ZFYVE26: variants seen among roughly 807,000 people sequenced by gnomAD.
ZFYVE26 encodes zinc finger FYVE domain-containing protein 26.
A neutral mutation model predicts 276.5 loss-of-function variants in ZFYVE26; 181 were observed. The observed-to-expected ratio is 0.65, with a 90% CI of 0.58 to 0.74. ZFYVE26 has a LOEUF of 0.74. Among genes scored for constraint, ZFYVE26 ranks in the 30% least tolerant of loss-of-function variants. The probability of loss-of-function intolerance (pLI) is 0.00; values close to 1 mark genes in which losing one functional copy is unlikely to be tolerated. For synonymous variants in ZFYVE26, 1,129 were observed against 1,203.1 expected (o/e 0.94, Z 1.27); for missense variants, 2,821 against 3,097.9 (o/e 0.91, Z 2.12).
At chr14:67,730,754 C>T (rs538768881) in intron 13 of ZFYVE26, among the ~76,000 whole-genome samples, 41 of 152,226 alleles carry the variant, frequency 2.7e-4, no homozygotes, top group African/African-American at 9.4e-4. Flanking sequence ...CAGGTGCCCG[C>T]CACCACACCT....
At chr14:67,736,815 A>T (rs1412129108) in intron 13 of ZFYVE26, among the ~76,000 whole-genome samples, 1 of 152,202 alleles carries the variant, frequency 6.6e-6, no homozygotes, top group Non-Finnish European at 1.5e-5. Context: ...GAAGCGGGAC[A>T]GGGCAGAGGG....
chr14:67,815,808 G>A lies in ZFYVE26; in HGVS notation c.156C>T (p.Asp52=), dbSNP rs1300672878. The A allele has an allele frequency of 6.2e-7, 1 of 1,613,864 alleles. No individual in the cohort carries two copies. Among genetic ancestry groups the A allele is most frequent in the South Asian group, 1.1e-5 (1 of 91,062 alleles). ...GQGDIPKRVE[D]ILQALVVCPN... ...GACACACCACCAATGCCTGAAGTAT[G>A]TCTTCTACCCTCTTTGGGATATCCC... Residue 52 remains aspartate (D), a synonymous_variant, in exon 2 of 42, where the codon GAC becomes GAT. Transcript: ENST00000347230.
At chr14:67,759,201 T>A (rs1258966912) in intron 35 of ZFYVE26, among the ~76,000 whole-genome samples, 1 of 130,746 alleles carries the variant, frequency 7.6e-6, no homozygotes, top group Non-Finnish European at 1.6e-5. Context: ...GCCAAGATCG[T>A]GCCACCGCAC....
At chr14:67,757,235 A>C (rs1332699743) in intron 35 of ZFYVE26, among the ~76,000 whole-genome samples, 1 of 152,188 alleles carries the variant, frequency 6.6e-6, no homozygotes, top group Non-Finnish European at 1.5e-5. Flanking sequence ...AAATGAGCCC[A>C]AGTGACTGTT....
chr14:67,756,649 T>C (rs35103502), intron 35 of ZFYVE26, among the ~76,000 whole-genome samples: 22,970 of 152,154 alleles, frequency 0.15, 1,822 homozygotes, highest in Middle Eastern at 0.27. Context: ...GTCTATGTCT[T>C]TGGCTGCTTC....
chr14:67,736,311 G>A (rs751942867), intron 13 of ZFYVE26, among the ~76,000 whole-genome samples: 12 of 152,274 alleles, frequency 7.9e-5, no homozygotes, highest in Admixed American at 1.3e-4. Flanking sequence ...GTATTGAAAC[G>A]TCTCTTCTAC....
At chr14:67,774,396 G>A (rs1366737672) in intron 27 of ZFYVE26, among the ~76,000 whole-genome samples, 1 of 152,220 alleles carries the variant, frequency 6.6e-6, no homozygotes, top group Non-Finnish European at 1.5e-5. Flanking sequence ...CTACTCGGGA[G>A]GCTTAGGCAG....
intron 16 of ZFYVE26, among the ~76,000 whole-genome samples, chr14:67,788,680 T>C (rs532642913): frequency 6.6e-6 from 1 of 152,326 alleles, no homozygotes; most frequent in East Asian, 1.9e-4. Context: ...AGAGAATCAC[T>C]GAACCTGGGG....
intron 6 of ZFYVE26, among the ~76,000 whole-genome samples, chr14:67,805,846 T>C (rs1383018596): frequency 6.6e-6 from 1 of 152,120 alleles, no homozygotes; most frequent in Non-Finnish European, 1.5e-5. Flanking sequence ...CTGGCCAACA[T>C]GGGGAAACCC....
chr14:67,809,180 G>A lies in ZFYVE26; in HGVS notation c.363+20C>T. The A allele has an allele frequency of 1.2e-6, 2 of 1,601,484 alleles. No individual in the cohort carries two copies. Among genetic ancestry groups the A allele is most frequent in the Non-Finnish European group, 1.7e-6 (2 of 1,168,578 alleles). On this transcript the variant is annotated intron_variant, in intron 4 of 41. Coordinates refer to ENST00000347230, the MANE Select transcript of ZFYVE26 (RefSeq NM_015346.4). ...AGTGACTGTCAACCCTGGGCAGATG[G>A]TACCAGGGCTCTCTCTCACCTCGAG...
At chr14:67,775,808 C>G in intron 26 of ZFYVE26, 52 bp downstream of exon 26, 1 of 1,613,176 alleles carries the variant, frequency 6.2e-7, no homozygotes, top group Non-Finnish European at 8.5e-7. Flanking sequence ...AAGAATGCAG[C>G]ATGGCATTTC....
At chr14:67,792,913 C>CAA (rs34041446) in intron 14 of ZFYVE26, among the ~76,000 whole-genome samples, 2,729 of 56,780 alleles carry the variant, frequency 0.048, 223 homozygotes, top group African/African-American at 0.16. Context: ...AAATCTGTCT[C>CAA]AAAAAAAAAA....
intron 41 of ZFYVE26, 56 bp downstream of exon 41, chr14:67,750,996 C>T (rs2038622858): frequency 6.2e-7 from 1 of 1,607,278 alleles, no homozygotes; most frequent in Non-Finnish European, 8.5e-7. Flanking sequence ...GGTGACTAGG[C>T]AAGCCTGAGA....
rs531905881 is a variant in ZFYVE26, at chr14:67,747,649, C to G, written c.*787G>C. ...TGTGCTTGTGAGCACCCGCTCCCCC[C>G]ACCACCCCCCACCGCCTCCCCTGTA... is the stretch of plus-strand genomic sequence containing the variant. On this transcript the variant is annotated 3_prime_UTR_variant, in exon 42 of 42. Transcript: ENST00000347230. The G allele has an allele frequency of 5.4e-5, 8 of 147,808 alleles. No homozygotes were observed. The highest frequency in any genetic ancestry group is 5.4e-4 in the Admixed American group (8 of 14,788). The allele number at this position is 147,808 out of a possible 1,614,324, so 9.2% of individuals were successfully genotyped here.
intron 12 of ZFYVE26, 100 bp from the exon 13 acceptor site, chr14:67,794,339 C>A (rs2039899106): frequency 8.6e-7 from 1 of 1,165,190 alleles, no homozygotes; most frequent in Non-Finnish European, 1.3e-6. Flanking sequence ...TAGTTAGAGA[C>A]AGAGGATAAT....
At chr14:67,751,030 G>C in intron 41 of ZFYVE26, 22 bp downstream of exon 41, 1 of 1,614,124 alleles carries the variant, frequency 6.2e-7, no homozygotes, top group Non-Finnish European at 8.5e-7. Context: ...CATCACCAGC[G>C]TTTGGAGACA....
chr14:67,785,047 C>T lies in ZFYVE26; in HGVS notation c.3523+12G>A. 6.2e-7 allele frequency: 1 copy of T among 1,614,076 alleles called. No homozygotes were observed. The highest frequency in any genetic ancestry group is 1.1e-5 in the South Asian group (1 of 91,012). ...TCTGCCATGAATCTATTGCCTCTTT[C>T]TTGCTACCTACCAGGCTCAGAGCTC... On this transcript the variant is annotated intron_variant, in intron 19 of 41. Transcript: ENST00000347230.
chr14:67,784,464 T>C (rs981479103), intron 19 of ZFYVE26, 28 bp from the exon 20 acceptor site: 2 of 1,590,726 alleles, frequency 1.3e-6, no homozygotes, highest in African/African-American at 2.7e-5. Context: ...ATGATCTTTG[T>C]TTGCACCACT....
In ZFYVE26 at chr14:67,797,996, G is replaced by C. The variant is rs1379172995; in HGVS notation, c.2248+18C>G. ...CCCTCTCCACCTTCTGGTCCCACCA[G>C]TTCCACCCTTCTCTCACCTGAACGA... On this transcript the variant is annotated intron_variant, in intron 11 of 41. Transcript: ENST00000347230. The C allele has an allele frequency of 6.2e-7, 1 of 1,613,930 alleles. No individual in the cohort carries two copies. Among genetic ancestry groups the C allele is most frequent in the East Asian group, 2.2e-5 (1 of 44,876 alleles).
Sources: allele counts gnomAD v4.1 joint callset (sites outside exome capture counted in the v4.1 genomes callset), GRCh38; gene constraint gnomAD v4.1.1; transcripts MANE v1.5; gene names NCBI Gene and HGNC (gene_info 2026-07-23, HGNC 2026-07-21).